Variants in TIAM1 observed in about 807,000 individuals in gnomAD.
TIAM1 encodes rho guanine nucleotide exchange factor TIAM1.
TIAM1 carries 65 observed loss-of-function variants against 163.5 expected under a neutral mutation model. The observed-to-expected ratio is 0.40, with a 90% confidence interval of 0.33 to 0.49. The LOEUF (loss-of-function observed/expected upper bound fraction) is 0.49, where lower values mean the gene tolerates loss of function less well. Among genes scored for constraint, TIAM1 ranks in the 20% least tolerant of loss-of-function variants. The pLI is 0.77. For synonymous variants in TIAM1, 833 were observed against 810.1 expected, an observed-to-expected ratio of 1.03 and a Z score of -0.48; for missense variants, 1,789 against 2,044.7, an observed-to-expected ratio of 0.87 and a Z score of 2.41.
chr21:31,430,225 AATATATATATATAT>A (rs35708801), intron 2 of TIAM1, among the ~76,000 whole-genome samples: 2 of 90,272 alleles, frequency 2.2e-5, no homozygotes, highest in African/African-American at 1.2e-4. Context: ...AAAAAAAAAA[AATATATATATATAT>A]ATATATATAC....
intron 2 of TIAM1, among the ~76,000 whole-genome samples, chr21:31,387,384 G>A (rs750378733): frequency 1.8e-4 from 27 of 151,144 alleles, no homozygotes; most frequent in African/African-American, 5.8e-4. Flanking sequence ...TACCACACCC[G>A]GCTAATTTTT....
rs181559597 is a variant in TIAM1 at position 31,416,273 on chromosome 21, C to T, written c.-369+47710G>A. Among the ~76,000 whole-genome samples the T allele has an allele frequency of 6.6e-4, 101 of 152,248 alleles. No homozygotes were observed. The Middle Eastern group carries it at 0.01, about 15-fold the overall frequency. On this transcript the variant is annotated intron_variant, in intron 2 of 28. Transcript: ENST00000286827. ...ATGCCTCCCAACTCTGGCTAGTCTT[C>T]GAAGCACCCTGCAAGATATGCCTCA...
chr21:31,278,320 A>G (rs1377178473), intron 2 of TIAM1, among the ~76,000 whole-genome samples: 1 of 152,244 alleles, frequency 6.6e-6, no homozygotes, highest in African/African-American at 2.4e-5. Context: ...TTTAACATGG[A>G]AAATCAATGG....
chr21:31,430,247 T>TACACAC (rs1202910634), intron 2 of TIAM1, among the ~76,000 whole-genome samples: 9 of 106,942 alleles, frequency 8.4e-5, no homozygotes, highest in East Asian at 5.0e-4. Context: ...TATATATATA[T>TACACAC]ACACACACAC....
At chr21:31,309,719 A>G (rs1029443562) in intron 2 of TIAM1, among the ~76,000 whole-genome samples, 7 of 152,222 alleles carry the variant, frequency 4.6e-5, no homozygotes, top group African/African-American at 1.7e-4. Context: ...GACAAACTTA[A>G]GGGCATCTCT....
At chr21:31,184,718 G>A (rs1474909990) in intron 14 of TIAM1, among the ~76,000 whole-genome samples, 1 of 152,144 alleles carries the variant, frequency 6.6e-6, no homozygotes, top group African/African-American at 2.4e-5. Flanking sequence ...AAGAAATCCT[G>A]TCATCTCTGC....
intron 16 of TIAM1, among the ~76,000 whole-genome samples, chr21:31,159,042 A>G (rs1422850061): frequency 6.6e-6 from 1 of 152,006 alleles, no homozygotes; most frequent in African/African-American, 2.4e-5. Flanking sequence ...GCAGCTTAGG[A>G]CTCCAGCAAG....
intron 2 of TIAM1, among the ~76,000 whole-genome samples, chr21:31,296,806 G>GGTA (rs974710191): frequency 6.6e-6 from 1 of 152,162 alleles, no homozygotes; most frequent in Non-Finnish European, 1.5e-5. Context: ...TGGGACTACA[G>GGTA]GCATGTGCCA....
chr21:31,131,591 C>T (rs2082413494), intron 23 of TIAM1, among the ~76,000 whole-genome samples: 1 of 152,050 alleles, frequency 6.6e-6, no homozygotes, highest in Non-Finnish European at 1.5e-5. Context: ...TTAAGCAATG[C>T]CAAGCACATT....
intron 1 of TIAM1, among the ~76,000 whole-genome samples, chr21:31,486,227 C>A (rs918483385): frequency 6.6e-6 from 1 of 152,208 alleles, no homozygotes; most frequent in East Asian, 1.9e-4. Context: ...AGCACTGGAA[C>A]GCAGGACACT....
chr21:31,488,949 T>C (rs1283695607), intron 1 of TIAM1, among the ~76,000 whole-genome samples: 2 of 152,036 alleles, frequency 1.3e-5, no homozygotes, highest in African/African-American at 4.8e-5. Context: ...ACTTTTGTTT[T>C]CTTCTCTATG....
chr21:31,244,970 A>G (rs2071415519), intron 6 of TIAM1, among the ~76,000 whole-genome samples: 1 of 152,170 alleles, frequency 6.6e-6, no homozygotes, highest in East Asian at 1.9e-4. Context: ...TTTTTTTAAA[A>G]AATGTTGAAA....
At chr21:31,154,507 G>C (rs2083528223) in intron 16 of TIAM1, 81 bp from the exon 17 acceptor site, 3 of 1,409,982 alleles carry the variant, frequency 2.1e-6, no homozygotes, top group South Asian at 2.8e-5. Flanking sequence ...GCCTAGAGGT[G>C]TTCTCCCTGG....
chr21:31,169,064 C>T (rs559027697), intron 15 of TIAM1, among the ~76,000 whole-genome samples: 6 of 152,184 alleles, frequency 3.9e-5, no homozygotes, highest in South Asian at 2.1e-4. Context: ...GAGGCTGAGG[C>T]GGGTGGATCA....
chr21:31,188,091 T>TG (rs2085383969), intron 13 of TIAM1, among the ~76,000 whole-genome samples: 1 of 152,100 alleles, frequency 6.6e-6, no homozygotes, highest in South Asian at 2.1e-4. Context: ...TTTGTAAGAT[T>TG]GGGTTCCAGG....
At chr21:31,552,183 G>A (rs1335766688) in intron 1 of TIAM1, among the ~76,000 whole-genome samples, 1 of 150,118 alleles carries the variant, frequency 6.7e-6, no homozygotes, top group Non-Finnish European at 1.5e-5. Flanking sequence ...TCAGCCTCCT[G>A]AGTAGCTGGG....
At chr21:31,271,810 C>T (rs1214475269) in intron 3 of TIAM1, among the ~76,000 whole-genome samples, 2 of 152,170 alleles carry the variant, frequency 1.3e-5, no homozygotes, top group Admixed American at 1.3e-4. Flanking sequence ...GGGGTCAAAG[C>T]ATCAGGAGTT....
At chr21:31,345,543 C>T (rs1223104094), upstream of TIAM1, among the ~76,000 whole-genome samples, 1 of 151,826 alleles carries the variant, frequency 6.6e-6, no homozygotes, top group Non-Finnish European at 1.5e-5. Context: ...GCTGGTTCAT[C>T]TTTACATTCT....
rs2085788351 is a variant in TIAM1 at position 31,195,308 on chromosome 21, G to C, written c.2494-3C>G. The C allele has an allele frequency of 6.2e-7, 1 of 1,604,026 alleles. No homozygotes were observed. Among genetic ancestry groups the C allele is most frequent in the Admixed American group, 1.7e-5 (1 of 59,366 alleles). On this transcript the variant is annotated splice_region_variant and splice_polypyrimidine_tract_variant and intron_variant, in intron 12 of 27. Coordinates refer to ENST00000541036, the MANE Select transcript of TIAM1 (RefSeq NM_001353694.2). ...CAGATTTCAATTTCTTTGTACAGCTGAAAGTTACAAAGGGGAATCTAATTA... is the reference window on the plus strand; with the variant it reads ...CAGATTTCAATTTCTTTGTACAGCTCAAAGTTACAAAGGGGAATCTAATTA...
Sources: gnomAD v4.1 joint callset for allele counts (sites outside exome capture counted in the v4.1 genomes callset) on GRCh38, gnomAD v4.1.1 for gene constraint, MANE v1.5 for transcripts, NCBI Gene and HGNC (gene_info 2026-07-23, HGNC 2026-07-21) for gene names.